The following SHTN1 variants were observed in gnomAD, a reference collection of about 807,000 sequenced individuals.
SHTN1 encodes the protein shootin-1.
In SHTN1, 42 loss-of-function variants were observed where a neutral mutation model predicts 83.1. The ratio of observed to expected loss-of-function variants is 0.51; its 90% confidence interval spans 0.39 to 0.65. The LOEUF (loss-of-function observed/expected upper bound fraction) is 0.65. SHTN1 is among the 30% of genes least tolerant of loss of function. The pLI, the probability that SHTN1 is intolerant of heterozygous loss-of-function variation, is 0.00. For synonymous variants in SHTN1, 224 were observed against 247.7 expected (o/e 0.90, Z 0.90); for missense variants, 622 against 737.8 (o/e 0.84, Z 1.82).
chr10:116,952,065 T>C, intron 5 of SHTN1, 59 bp from the exon 6 acceptor site: 1 of 886,346 alleles, frequency 1.1e-6, no homozygotes, highest in Admixed American at 3.2e-5. Flanking sequence ...AAGAAATCAA[T>C]CTGGTCAAAA....
intron 1 of SHTN1, among the ~76,000 whole-genome samples, chr10:117,066,346 G>A (rs1853001947): frequency 6.6e-6 from 1 of 152,078 alleles, no homozygotes; most frequent in Non-Finnish European, 1.5e-5. Context: ...GCGATGAACA[G>A]AATAGTCAAA....
intron 4 of SHTN1, among the ~76,000 whole-genome samples, chr10:116,955,634 G>C (rs1356071777): frequency 6.6e-6 from 1 of 152,124 alleles, no homozygotes; most frequent in East Asian, 1.9e-4. Context: ...CATAGAGAAA[G>C]CCCAGCCCAC....
At chr10:116,983,641 TAGATAGATAGATAG>T (rs1851111587) in intron 1 of SHTN1, among the ~76,000 whole-genome samples, 1 of 118,046 alleles carries the variant, frequency 8.5e-6, no homozygotes, top group Non-Finnish European at 1.7e-5. Context: ...TCCAGATAGA[TAGATAGATAGATAG>T]ATAGATAGAT....
chr10:117,109,488 T>C (rs1304717228), intron 1 of SHTN1, among the ~76,000 whole-genome samples: 1 of 151,610 alleles, frequency 6.6e-6, no homozygotes, highest in African/African-American at 2.4e-5. Flanking sequence ...GGGAGATTGT[T>C]AGTGATTTTT....
intron 1 of SHTN1, among the ~76,000 whole-genome samples, chr10:116,986,156 A>G (rs11197863): frequency 0.6 from 91,455 of 152,064 alleles, 30,119 homozygotes; most frequent in Middle Eastern, 0.76. Flanking sequence ...AAATACACAC[A>G]TAAGTCTGAT....
intron 13 of SHTN1, among the ~76,000 whole-genome samples, chr10:116,913,820 A>G (rs1015984937): frequency 2.0e-5 from 3 of 152,262 alleles, no homozygotes; most frequent in Admixed American, 2.0e-4. Context: ...CCCCATCTTG[A>G]AGAGAAGAAG....
intron 1 of SHTN1, among the ~76,000 whole-genome samples, chr10:117,088,423 T>C (rs1442369937): frequency 6.6e-6 from 1 of 152,226 alleles, no homozygotes. Context: ...TTATACCTTC[T>C]AACTTCTCCA....
At chr10:117,097,059 A>ACACACACG (rs1564958276) in intron 1 of SHTN1, among the ~76,000 whole-genome samples, 1 of 152,052 alleles carries the variant, frequency 6.6e-6, no homozygotes, top group Non-Finnish European at 1.5e-5. Context: ...ACACACACAC[A>ACACACACG]CACAAAGGAA....
intron 1 of SHTN1, among the ~76,000 whole-genome samples, chr10:116,997,896 T>A (rs1218649777): frequency 6.6e-6 from 1 of 152,110 alleles, no homozygotes; most frequent in African/African-American, 2.4e-5. Context: ...ACCGAAACCA[T>A]CCTGGCTAAC....
At chr10:117,018,421 A>G (rs1406570194) in intron 2 of SHTN1, among the ~76,000 whole-genome samples, 1 of 152,084 alleles carries the variant, frequency 6.6e-6, no homozygotes, top group Non-Finnish European at 1.5e-5. Context: ...AAAATATTCA[A>G]TATCAATTCA....
intron 1 of SHTN1, 80 bp from the exon 2 acceptor site, chr10:116,979,388 CAT>C (rs1850935349): frequency 9.0e-7 from 1 of 1,105,908 alleles, no homozygotes; most frequent in Non-Finnish European, 1.4e-6. Context: ...AACTAACCCC[CAT>C]AGTCTTCTTA....
At chr10:116,997,423 A>G (rs1049404277) in intron 1 of SHTN1, among the ~76,000 whole-genome samples, 2 of 152,096 alleles carry the variant, frequency 1.3e-5, no homozygotes, top group African/African-American at 4.8e-5. Flanking sequence ...GGTTTGAGGG[A>G]CAGATTATTT....
intron 1 of SHTN1, among the ~76,000 whole-genome samples, chr10:117,067,832 T>C (rs539388784): frequency 6.6e-6 from 1 of 152,140 alleles, no homozygotes; most frequent in South Asian, 2.1e-4. Context: ...ACATATTGGA[T>C]ATGGGAAGTG....
chr10:117,018,567 C>CCTTTT (rs1564932242), intron 2 of SHTN1, among the ~76,000 whole-genome samples: 1 of 135,812 alleles, frequency 7.4e-6, no homozygotes. Flanking sequence ...CTGCTCTCAC[C>CCTTTT]ATTTTTTTTT....
chr10:117,034,088 G>GA (rs999847955), intron 2 of SHTN1, among the ~76,000 whole-genome samples: 6 of 151,916 alleles, frequency 3.9e-5, no homozygotes, highest in South Asian at 2.1e-4. Flanking sequence ...ACTGAATGGG[G>GA]AAAAAAATGA....
chr10:116,990,410 T>C (rs1399040627), intron 1 of SHTN1, among the ~76,000 whole-genome samples: 2 of 151,906 alleles, frequency 1.3e-5, no homozygotes. Flanking sequence ...TTCTCCTTGC[T>C]TGTTCTCCCA....
chr10:116,895,751 G>C (rs1205117978), intron 16 of SHTN1, among the ~76,000 whole-genome samples: 5 of 152,132 alleles, frequency 3.3e-5, no homozygotes, highest in Non-Finnish European at 7.4e-5. Flanking sequence ...ACTGGCATTG[G>C]AAATAAAGTT....
intron 16 of SHTN1, among the ~76,000 whole-genome samples, chr10:116,887,037 C>T (rs968212931): frequency 1.3e-5 from 2 of 152,104 alleles, no homozygotes; most frequent in Non-Finnish European, 2.9e-5. Flanking sequence ...AATCACCCCT[C>T]ATCACTGATG....
chr10:116,906,603 T>C (rs1411156445), intron 15 of SHTN1, 24 bp downstream of exon 15: 3 of 1,602,190 alleles, frequency 1.9e-6, no homozygotes, highest in Non-Finnish European at 1.7e-6. Context: ...AGAGAAGGAC[T>C]GTGGAGAATT....
Sources: gnomAD v4.1 joint callset for allele counts (sites outside exome capture counted in the v4.1 genomes callset) on GRCh38, gnomAD v4.1.1 for gene constraint, MANE v1.5 for transcripts, NCBI Gene and HGNC (gene_info 2026-07-23, HGNC 2026-07-21) for gene names.